The following SIN3A variants were observed in gnomAD, a reference collection of about 807,000 sequenced individuals.
SIN3A encodes the protein paired amphipathic helix protein Sin3a.
A neutral mutation model predicts 146.1 loss-of-function variants in SIN3A; 14 were observed. The observed-to-expected ratio is 0.10, with a 90% confidence interval of 0.06 to 0.15. The LOEUF (loss-of-function observed/expected upper bound fraction) is 0.15, where lower values mean the gene tolerates loss of function less well. Ranked by LOEUF, SIN3A falls within the 10% of genes least tolerant of loss-of-function variation. The probability of loss-of-function intolerance (pLI) is 1.00; values close to 1 mark genes in which losing one functional copy is unlikely to be tolerated. For missense variants in SIN3A, 1,028 were observed against 1,576.0 expected, an observed-to-expected ratio of 0.65 and a Z score of 5.89; for synonymous variants, 572 against 572.0, an observed-to-expected ratio of 1.00 and a Z score of 0.00.
At chr15:75,380,364 C>T (rs192502818) in intron 19 of SIN3A, among the ~76,000 whole-genome samples, 1 of 152,282 alleles carries the variant, frequency 6.6e-6, no homozygotes, top group Non-Finnish European at 1.5e-5. Flanking sequence ...CCTCTTCCAT[C>T]GAACCATGGA....
At chr15:75,432,841 G>A (rs563340011) in intron 1 of SIN3A, among the ~76,000 whole-genome samples, 1 of 152,112 alleles carries the variant, frequency 6.6e-6, no homozygotes, top group Non-Finnish European at 1.5e-5. Context: ...TCAGGAGTTC[G>A]AGACCAGCCA....
intron 9 of SIN3A, 52 bp from the exon 10 acceptor site, chr15:75,402,022 A>T: frequency 8.4e-7 from 1 of 1,191,910 alleles, no homozygotes; most frequent in Non-Finnish European, 1.2e-6. Context: ...TAAAGTGGGG[A>T]ACTGAAAAGG....
chr15:75,429,808 G>A (rs1272508660), intron 2 of SIN3A, among the ~76,000 whole-genome samples: 2 of 151,878 alleles, frequency 1.3e-5, no homozygotes, highest in Non-Finnish European at 2.9e-5. Context: ...AAAAATATGG[G>A]GTTTTTAAAA....
chr15:75,444,696 T>G (rs1292437098), intron 1 of SIN3A, among the ~76,000 whole-genome samples: 3 of 152,220 alleles, frequency 2.0e-5, no homozygotes, highest in Non-Finnish European at 1.5e-5. Context: ...CAGACTTCGG[T>G]GACACTGATG....
chr15:75,406,870 C>A (rs949873238), intron 9 of SIN3A, among the ~76,000 whole-genome samples, 185 bp downstream of exon 9: 1 of 152,176 alleles, frequency 6.6e-6, no homozygotes, highest in Non-Finnish European at 1.5e-5. Flanking sequence ...GCAAACAATG[C>A]TACCATTTTT....
At chr15:75,421,747 T>C (rs916700032) in intron 3 of SIN3A, 5 of 152,190 alleles carry the variant, frequency 3.3e-5, no homozygotes, top group African/African-American at 4.8e-5. Flanking sequence ...CTTAATTTTA[T>C]ATAAACGTAA....
chr15:75,380,623 A>G lies in SIN3A; in HGVS notation c.3383+6T>C. Reference sequence around the variant, plus strand: ...GGACTGCTGACAGATGACATGGCTCACTCACCTGGGGAGAAATACTGGTTT... The same window carrying G: ...GGACTGCTGACAGATGACATGGCTCGCTCACCTGGGGAGAAATACTGGTTT... On this transcript the variant is annotated splice_donor_region_variant and intron_variant, in intron 19 of 20. Coordinates refer to ENST00000394947, the MANE Select transcript of SIN3A (RefSeq NM_001145358.2). The G allele has an allele frequency of 6.2e-7, 1 of 1,603,188 alleles. No individual in the cohort carries two copies. Among genetic ancestry groups the G allele is most frequent in the Non-Finnish European group, 8.5e-7 (1 of 1,170,136 alleles).
Position 75,412,940 on chromosome 15 carries a change from C to A in SIN3A, c.579G>T (p.Glu193Asp). 1 of 1,614,030 alleles carries A rather than the reference C, an allele frequency of 6.2e-7. No homozygotes were observed. The highest frequency in any genetic ancestry group is 8.5e-7 in the Non-Finnish European group (1 of 1,180,002). ...CATTCACCATGTCATTGGTTTGCAC[C>A]TCAATTTTGTAGCCAGGGGGCAAGA... The part of the protein sequence containing the change: ...NTFLPPGYKI[E>D]VQTNDMVNVT... The change falls in exon 5 of 21, where the codon GAG (glutamate) becomes GAT (aspartate). Residue 193 changes from glutamate (E) to aspartate (D), a missense_variant. Around this residue, in one of 9 missense-constraint regions of SIN3A, gnomAD observed 112 missense variants for 135.7 expected, o/e 0.83. Transcript: ENST00000394947.
At chr15:75,429,162 G>C (rs1164412731) in intron 2 of SIN3A, among the ~76,000 whole-genome samples, 1 of 152,184 alleles carries the variant, frequency 6.6e-6, no homozygotes, top group African/African-American at 2.4e-5. Context: ...GCTCAGACTT[G>C]TAATCCCAGC....
chr15:75,447,771 G>GC (rs2074333221), intron 1 of SIN3A: 1 of 152,186 alleles, frequency 6.6e-6, no homozygotes, highest in Non-Finnish European at 1.5e-5. Context: ...GACTCATGAA[G>GC]GGTCCACTGT....
At chr15:75,411,796 A>C in intron 5 of SIN3A, 53 bp from the exon 6 acceptor site, 1 of 1,512,470 alleles carries the variant, frequency 6.6e-7, no homozygotes, top group Non-Finnish European at 8.9e-7. Context: ...GAGTTGATAC[A>C]AGGAAAGTTC....
chr15:75,398,872 G>C (rs1228893807), intron 12 of SIN3A, among the ~76,000 whole-genome samples: 1 of 151,896 alleles, frequency 6.6e-6, no homozygotes, highest in Non-Finnish European at 1.5e-5. Flanking sequence ...AGCCACAGGG[G>C]GTAGGAGGCA....
chr15:75,446,119 T>G (rs1209312557), intron 1 of SIN3A: 1 of 152,118 alleles, frequency 6.6e-6, no homozygotes, highest in African/African-American at 2.4e-5. Flanking sequence ...TAGTGAAAGA[T>G]GACACAATAG....
intron 9 of SIN3A, among the ~76,000 whole-genome samples, chr15:75,404,519 G>T (rs1322208455): frequency 1.3e-5 from 2 of 152,182 alleles, no homozygotes; most frequent in Non-Finnish European, 2.9e-5. Context: ...CCAACACTTT[G>T]GGAGGCCAAG....
Position 75,392,747 on chromosome 15 carries a change from T to C in SIN3A, c.2346A>G (p.Glu782=). 1 of 1,614,192 alleles carries C rather than the reference T, an allele frequency of 6.2e-7. No homozygotes were observed. Among genetic ancestry groups the C allele is most frequent in the Non-Finnish European group, 8.5e-7 (1 of 1,180,038 alleles). Residue 782 remains glutamate, a synonymous_variant, in exon 15 of 21, where the codon GAA becomes GAG. Coordinates refer to ENST00000394947, the MANE Select transcript of SIN3A (RefSeq NM_001145358.2). ...CAGCATCTTCCAGTATTTGTTTGTC[T>C]TCATACGCAAGTGAGAGGTGTGGGC... The part of the protein sequence containing the change: ...PVGPHLSLAY[E]DKQILEDAAA...
intron 9 of SIN3A, among the ~76,000 whole-genome samples, chr15:75,404,653 G>A (rs998822015): frequency 2.6e-5 from 4 of 151,672 alleles, no homozygotes; most frequent in African/African-American, 4.8e-5. Flanking sequence ...CCAGCTACTC[G>A]GGAGGCTGAG....
chr15:75,396,110 C>T, intron 13 of SIN3A, 148 bp downstream of exon 13: 1 of 655,164 alleles, frequency 1.5e-6, no homozygotes. Flanking sequence ...AAAGAAGTTC[C>T]ATTCTGCACC....
rs2072972465 is a variant in SIN3A, at chr15:75,381,628, GTCATCCGAATTCTCCT to G, written c.3257_3272del (p.Glu1086AlafsTer16). ...TTGCTCATACCTCTGCTTCCACAGG[GTCATCCGAATTCTCCT>G]CTTCTGTGTCCAGAAGCTCAATAGT... is the stretch of plus-strand genomic sequence containing the variant. On this transcript the variant is annotated frameshift_variant, in exon 18 of 21. Transcript: ENST00000394947. LOFTEE classifies it high-confidence loss of function. 6.2e-7 allele frequency: 1 copy of G among 1,613,488 alleles called. No homozygotes were observed.
intron 1 of SIN3A, among the ~76,000 whole-genome samples, chr15:75,450,508 C>G (rs1216789309): frequency 6.6e-6 from 1 of 152,194 alleles, no homozygotes; most frequent in Non-Finnish European, 1.5e-5. Context: ...ATCTAGGGTT[C>G]CAGCACCAGC....
Sources: gnomAD v4.1 joint callset for allele counts (sites outside exome capture counted in the v4.1 genomes callset) on GRCh38, gnomAD v4.1.1 for gene constraint, gnomAD v4.1.1 regional missense constraint, MANE v1.5 for transcripts, NCBI Gene and HGNC (gene_info 2026-07-23, HGNC 2026-07-21) for gene names.